Variants in COMMD7 observed in about 807,000 individuals in gnomAD.
COMMD7 encodes COMM domain containing 7, also known as COMM domain-containing protein 7.
COMMD7 carries 28 observed loss-of-function variants against 34.8 expected under a neutral mutation model. The ratio of observed to expected loss-of-function variants is 0.80; its 90% CI spans 0.60 to 1.10. The LOEUF (loss-of-function observed/expected upper bound fraction) is 1.10. COMMD7 is among the 50% of genes least tolerant of loss of function. The pLI is 0.00. For missense variants in COMMD7, 211 were observed against 241.6 expected (o/e 0.87, Z 0.84); for synonymous variants, 80 against 86.4 (o/e 0.93, Z 0.41).
At position 32,743,451 on chromosome 20, in the gene COMMD7, C is replaced by T. The variant is rs1986557321; in HGVS notation, c.-60G>A. 2.6e-6 allele frequency: 3 copies of T among 1,169,156 alleles called. No individual in the cohort carries two copies. The highest frequency in any genetic ancestry group is 3.3e-5 in the East Asian group (1 of 30,212). The allele number at this position is 1,169,156 out of a possible 1,614,324, so 72.4% of individuals were successfully genotyped here. On this transcript the variant is annotated 5_prime_UTR_variant, in exon 1 of 9. Coordinates refer to ENST00000278980, the MANE Select transcript of COMMD7 (RefSeq NM_053041.3). ...CCGCCGCCCTGCTCAGCTTCCTCCTCCGCTGCCGCTGCCACCGCTGCCGGC... is the reference window on the plus strand; with the variant it reads ...CCGCCGCCCTGCTCAGCTTCCTCCTTCGCTGCCGCTGCCACCGCTGCCGGC...
chr20:32,735,421 G>C (rs931024976), intron 1 of COMMD7, among the ~76,000 whole-genome samples: 5 of 151,632 alleles, frequency 3.3e-5, no homozygotes, highest in Non-Finnish European at 5.9e-5. Flanking sequence ...GGGTACAAGT[G>C]ATTATCCTCC....
At chr20:32,724,268 T>TG (rs1225396424) in intron 3 of COMMD7, among the ~76,000 whole-genome samples, 2 of 12,066 alleles carry the variant, frequency 1.7e-4, no homozygotes, top group Admixed American at 5.1e-4. Flanking sequence ...GGGAGGGAGG[T>TG]GGGGGGTCAG....
At chr20:32,722,594 GGCGCCT>G (rs1185839944) in intron 3 of COMMD7, among the ~76,000 whole-genome samples, 1 of 151,794 alleles carries the variant, frequency 6.6e-6, no homozygotes, top group Non-Finnish European at 1.5e-5. Flanking sequence ...CATGGTGGTG[GGCGCCT>G]GCAATCCCAG....
intron 3 of COMMD7, among the ~76,000 whole-genome samples, chr20:32,716,589 T>G (rs1295108815): frequency 1.3e-5 from 2 of 152,058 alleles, no homozygotes; most frequent in African/African-American, 4.8e-5. Context: ...CACTCCAGCC[T>G]GGGTGACAGA....
chr20:32,729,981 C>A (rs1393362410), intron 1 of COMMD7, among the ~76,000 whole-genome samples: 1 of 152,050 alleles, frequency 6.6e-6, no homozygotes, highest in Non-Finnish European at 1.5e-5. Flanking sequence ...CCACTGTACA[C>A]CAGCCTGGAC....
rs761180371 is a variant in COMMD7 at position 32,733,982 on chromosome 20, T to A, written c.85-5840A>T. Among the ~76,000 whole-genome samples the A allele has an allele frequency of 4.6e-4, 68 of 148,998 alleles. 1 individual carries two copies. Among genetic ancestry groups the A allele is most frequent in the Admixed American group, 1.1e-3 (17 of 14,838 alleles). ...TCATGAGGTCAGGAGACAGAGACCA[T>A]CCTGGCTACGGTGAAACCCCATCTC... On this transcript the variant is annotated intron_variant, in intron 1 of 8. Coordinates refer to ENST00000278980, the MANE Select transcript of COMMD7 (RefSeq NM_053041.3).
intron 1 of COMMD7, among the ~76,000 whole-genome samples, chr20:32,736,698 C>CA (rs1173386350): frequency 6.0e-5 from 9 of 150,804 alleles, no homozygotes; most frequent in Non-Finnish European, 1.0e-4. Context: ...ACAACAACAA[C>CA]AAAAAAAACC....
chr20:32,715,179 A>AAC, intron 3 of COMMD7, among the ~76,000 whole-genome samples: 1 of 127,774 alleles, frequency 7.8e-6, no homozygotes. Flanking sequence ...AAAAATAATA[A>AAC]TAATAATAAT....
intron 1 of COMMD7, among the ~76,000 whole-genome samples, chr20:32,739,777 G>T (rs1482906875): frequency 7.0e-6 from 1 of 141,852 alleles, no homozygotes; most frequent in Non-Finnish European, 1.5e-5. Flanking sequence ...CAGCACTTTG[G>T]GGGGCCAAGG....
At chr20:32,732,793 G>T (rs551842375) in intron 1 of COMMD7, among the ~76,000 whole-genome samples, 1 of 151,624 alleles carries the variant, frequency 6.6e-6, no homozygotes, top group South Asian at 2.1e-4. Flanking sequence ...AAAATTAGCC[G>T]GTCTTGGAAG....
At chr20:32,739,060 T>C (rs910245111) in intron 1 of COMMD7, among the ~76,000 whole-genome samples, 4 of 152,210 alleles carry the variant, frequency 2.6e-5, no homozygotes, top group Admixed American at 6.6e-5. Context: ...TTGTTATGCA[T>C]ACATTTAAAA....
chr20:32,741,267 C>T (rs545189713), intron 1 of COMMD7, among the ~76,000 whole-genome samples: 2 of 151,508 alleles, frequency 1.3e-5, no homozygotes, highest in South Asian at 2.1e-4. Flanking sequence ...AGTGCAATGG[C>T]TATTCACAGG....
In COMMD7 at chr20:32,728,101, A is replaced by C. The variant is rs200811416; in HGVS notation, c.126T>G (p.Thr42=). Residue 42 remains threonine, a synonymous_variant, in exon 2 of 9, where the codon ACT becomes ACG. Coordinates refer to ENST00000278980, the MANE Select transcript of COMMD7 (RefSeq NM_053041.3). ...ALTEVLFHFL[T]EPKEVERFLA... ...ATGTTTTATTTACCTCTTTTGGCTC[A>C]GTTAGGAAGTGGAAAAGCACCTCTG... 79 of 1,613,972 alleles carry C rather than the reference A, an allele frequency of 4.9e-5. No homozygotes were observed. The highest frequency in any genetic ancestry group is 6.4e-5 in the Non-Finnish European group (76 of 1,179,976).
rs200305991 is a variant in COMMD7, at chr20:32,728,014, G to T, written c.139-19C>A. 3.1e-4 allele frequency: 497 copies of T among 1,613,136 alleles called. No homozygotes were observed. Among genetic ancestry groups the T allele is most frequent in the Non-Finnish European group, 4.0e-4 (469 of 1,179,170 alleles). ...TTTCCACCTGCAGAGAGAGAACAGT[G>T]AAAACCCGGGCCTTCACTTTCTAAG... On this transcript the variant is annotated intron_variant, in intron 2 of 8. Transcript: ENST00000278980.
intron 1 of COMMD7, among the ~76,000 whole-genome samples, chr20:32,740,473 T>C (rs1181602035): frequency 3.3e-5 from 5 of 152,130 alleles, no homozygotes; most frequent in Admixed American, 3.3e-4. Flanking sequence ...TAAGCATGCA[T>C]GGCATTTTGA....
At chr20:32,734,362 A>G (rs1041477116) in intron 1 of COMMD7, among the ~76,000 whole-genome samples, 2 of 150,022 alleles carry the variant, frequency 1.3e-5, no homozygotes, top group African/African-American at 4.9e-5. Flanking sequence ...AATCCCAGCT[A>G]CTCGGGAGGC....
intron 3 of COMMD7, among the ~76,000 whole-genome samples, chr20:32,722,291 G>A (rs1204795109): frequency 6.6e-6 from 1 of 150,430 alleles, no homozygotes; most frequent in African/African-American, 2.4e-5. Context: ...GTGGGGTGAG[G>A]AAGACAGGGA....
In COMMD7 at chr20:32,708,895, C is replaced by T. The variant is rs558604887; in HGVS notation, c.242-2135G>A. On this transcript the variant is annotated intron_variant, in intron 3 of 8. Transcript: ENST00000278980. ...CCATGTTGCCCAGGCTGGTCTCAAACTCCTGACCTCAAGCAATCCACCCAC... is the reference window on the plus strand; with the variant it reads ...CCATGTTGCCCAGGCTGGTCTCAAATTCCTGACCTCAAGCAATCCACCCAC... Among the ~76,000 whole-genome samples the T allele has an allele frequency of 2.6e-5, 4 of 152,092 alleles. No individual in the cohort carries two copies. The East Asian group carries it at 7.8e-4, about 30-fold the overall frequency.
intron 1 of COMMD7, among the ~76,000 whole-genome samples, chr20:32,736,822 C>G (rs1405010015): frequency 6.6e-6 from 1 of 152,180 alleles, no homozygotes; most frequent in Non-Finnish European, 1.5e-5. Flanking sequence ...GGGTATATCA[C>G]TTGAGCCCGA....
Sources: allele counts gnomAD v4.1 joint callset (sites outside exome capture counted in the v4.1 genomes callset), GRCh38; gene constraint gnomAD v4.1.1; transcripts MANE v1.5; gene names NCBI Gene and HGNC (gene_info 2026-07-23, HGNC 2026-07-21).